ZNF517: variants seen among roughly 807,000 people sequenced by gnomAD.
The protein encoded by ZNF517 is zinc finger protein 517.
In ZNF517, 12 loss-of-function variants were observed where a neutral mutation model predicts 12.1. The ratio of observed to expected loss-of-function variants is 0.99; its 90% CI spans 0.63 to 1.61. The LOEUF is 1.61. ZNF517 is among the 40% of genes most tolerant of loss of function. The pLI is 0.00. For synonymous variants in ZNF517, 388 were observed against 310.2 expected, an observed-to-expected ratio of 1.25 and a Z score of -2.63; for missense variants, 781 against 693.2, an observed-to-expected ratio of 1.13 and a Z score of -1.42.
chr8:144,808,233 G>A lies in ZNF517; in HGVS notation c.1317G>A (p.Leu439=). Residue 439 remains leucine, a synonymous_variant, in exon 5 of 5, where the codon CTG becomes CTA. Coordinates refer to ENST00000359971, the MANE Select transcript of ZNF517 (RefSeq NM_213605.3). The part of the protein sequence containing the change: ...CGKAFRRSYT[L]NEHYRLHSGE... ...AGGCGTTCCGCAGGAGCTACACGCT[G>A]AACGAGCACTACCGGCTCCACAGCG... is the stretch of plus-strand genomic sequence containing the variant. The A allele has an allele frequency of 6.2e-7, 1 of 1,602,996 alleles. No homozygotes were observed. The highest frequency in any genetic ancestry group is 8.5e-7 in the Non-Finnish European group (1 of 1,174,108).
intron 1 of ZNF517, among the ~76,000 whole-genome samples, chr8:144,801,883 A>G (rs1177840442): frequency 6.6e-6 from 1 of 152,114 alleles, no homozygotes; most frequent in African/African-American, 2.4e-5. Flanking sequence ...ACTTTTAAAA[A>G]TTAGCTGGGT....
At chr8:144,803,275 A>T in intron 2 of ZNF517, 1 of 470,852 alleles carries the variant, frequency 2.1e-6, no homozygotes, top group South Asian at 3.0e-5. Flanking sequence ...CCCTCTCCTG[A>T]TGCTGACTCA....
chr8:144,802,723 C>T, intron 1 of ZNF517, 147 bp from the exon 2 acceptor site: 1 of 1,349,962 alleles, frequency 7.4e-7, no homozygotes, highest in Non-Finnish European at 9.6e-7. Flanking sequence ...CTTGGATACA[C>T]CTCCTTGGGA....
At chr8:144,801,011 G>A (rs975853493) in intron 1 of ZNF517, among the ~76,000 whole-genome samples, 40 of 152,040 alleles carry the variant, frequency 2.6e-4, no homozygotes, top group African/African-American at 9.4e-4. Flanking sequence ...TGTATTTTTC[G>A]TAGAGAAGGG....
rs1364007327 is a variant in ZNF517 at position 144,809,032 on chromosome 8, G to A, written c.*637G>A. 1.3e-5 allele frequency: 2 copies of A among 151,832 alleles called. No homozygotes were observed. Among genetic ancestry groups the A allele is most frequent in the Admixed American group, 1.3e-4 (2 of 15,228 alleles). 9.4% of individuals were successfully genotyped at this position (151,832 alleles called of 1,614,324 possible). On this transcript the variant is annotated 3_prime_UTR_variant, in exon 5 of 5. Transcript: ENST00000359971. ...TCTGTGCCTGTACGCTGTAGTCCCAGCTACTCAGGAGGCTGAGGTGGGAGG... is the reference window on the plus strand; with the variant it reads ...TCTGTGCCTGTACGCTGTAGTCCCAACTACTCAGGAGGCTGAGGTGGGAGG...
downstream of ZNF517, among the ~76,000 whole-genome samples, chr8:144,811,449 G>A (rs1052820413): frequency 2.6e-4 from 35 of 136,678 alleles, no homozygotes; most frequent in African/African-American, 3.2e-4. Context: ...GCTGAGACAG[G>A]GTGGGAGAGA....
Position 144,803,807 on chromosome 8 carries a change from G to A in ZNF517, c.160+40G>A, listed in dbSNP as rs373450028. The A allele has an allele frequency of 1.7e-5, 28 of 1,602,220 alleles. No individual in the cohort carries two copies. The East Asian group carries it at 2.0e-4, about 12-fold the overall frequency. ...CTTTGGTCCTGGGGCCGGGAGGTGC[G>A]TCTGTGTTAGCTTCAAAGGAAGTTG... On this transcript the variant is annotated intron_variant, in intron 3 of 4. Coordinates refer to ENST00000359971, the MANE Select transcript of ZNF517 (RefSeq NM_213605.3).
chr8:144,799,196 G>T (rs533328691), intron 1 of ZNF517, among the ~76,000 whole-genome samples: 41 of 152,278 alleles, frequency 2.7e-4, no homozygotes, highest in African/African-American at 8.2e-4. Flanking sequence ...GGACGGTTGC[G>T]CAGAGATGAG....
chr8:144,812,443 G>A (rs1411112459), downstream of ZNF517, among the ~76,000 whole-genome samples: 1 of 150,742 alleles, frequency 6.6e-6, no homozygotes, highest in Non-Finnish European at 1.5e-5. Context: ...GAGAGACACG[G>A]ACAGTAAAGC....
chr8:144,810,522 T>C (rs1263925248), downstream of ZNF517: 8 of 333,770 alleles, frequency 2.4e-5, no homozygotes, highest in East Asian at 3.7e-4. Flanking sequence ...TGAAGGGTTG[T>C]CCCTGAGCAT....
At chr8:144,806,645 C>T (rs1827236731) in intron 4 of ZNF517, among the ~76,000 whole-genome samples, 1 of 151,598 alleles carries the variant, frequency 6.6e-6, no homozygotes, top group African/African-American at 2.4e-5. Flanking sequence ...CCACCGCACA[C>T]AGATAATTTT....
Position 144,808,810 on chromosome 8 carries a change from C to T in ZNF517, c.*415C>T, listed in dbSNP as rs1827432808. On this transcript the variant is annotated 3_prime_UTR_variant, in exon 5 of 5. Coordinates refer to ENST00000359971, the MANE Select transcript of ZNF517 (RefSeq NM_213605.3). ...GGCCTTAGCGCCAGGCTCCGTGTGG[C>T]GGTCAATTCCAGGTGCTGTAAAGCC... 1.2e-5 allele frequency: 2 copies of T among 160,358 alleles called. No individual in the cohort carries two copies. The highest frequency in any genetic ancestry group is 2.7e-5 in the Non-Finnish European group (2 of 73,914). The allele number at this position is 160,358 out of a possible 1,614,324, so 9.9% of individuals were successfully genotyped here. A position where few individuals can be genotyped will look rare whatever the true frequency, so the allele number is the denominator to read the frequency against.
downstream of ZNF517, among the ~76,000 whole-genome samples, chr8:144,812,442 G>A (rs892353311): frequency 1.5e-5 from 2 of 136,052 alleles, no homozygotes; most frequent in South Asian, 2.4e-4. Context: ...GGAGAGACAC[G>A]GACAGTAAAG....
rs1827382664 is a variant in ZNF517, at chr8:144,808,202, G to A, written c.1286G>A (p.Cys429Tyr). ...TKEKPFACTE[C>Y]GKAFRRSYTL... Reference sequence around the variant, plus strand: ...GAGAAGCCCTTCGCGTGCACCGAGTGCGGCAAGGCGTTCCGCAGGAGCTAC... The same window carrying A: ...GAGAAGCCCTTCGCGTGCACCGAGTACGGCAAGGCGTTCCGCAGGAGCTAC... The change falls in exon 5 of 5, where the codon TGC becomes TAC. Residue 429 changes from cysteine to tyrosine, a missense_variant. By Grantham distance (194) the Cys-to-Tyr change is radical. Transcript: ENST00000359971. 1.2e-6 allele frequency: 2 copies of A among 1,608,750 alleles called. No individual in the cohort carries two copies. The highest frequency in any genetic ancestry group is 2.7e-5 in the African/African-American group (2 of 74,826).
intron 2 of ZNF517, 80 bp downstream of exon 2, chr8:144,803,027 ACAGCTTGCCTCACAC>A: frequency 6.3e-7 from 1 of 1,578,774 alleles, no homozygotes; most frequent in Non-Finnish European, 8.6e-7. Context: ...TGAGAACCTT[ACAGCTTGCCTCACAC>A]CCACCCACAT....
intron 1 of ZNF517, among the ~76,000 whole-genome samples, 153 bp downstream of exon 1, chr8:144,799,090 C>T (rs1355444928): frequency 6.6e-6 from 1 of 152,166 alleles, no homozygotes; most frequent in Non-Finnish European, 1.5e-5. Context: ...CCTTGGGTTC[C>T]GAACCCTTAT....
chr8:144,813,230 C>A (rs1417641429), downstream of ZNF517, among the ~76,000 whole-genome samples: 1 of 149,428 alleles, frequency 6.7e-6, no homozygotes, highest in Non-Finnish European at 1.5e-5. Context: ...GCAGGAGAAT[C>A]GCTTGAACCT....
rs1827082479 is a variant in ZNF517 at position 144,803,703 on chromosome 8, C to CTCCGA, written c.96_97insTCCGA (p.Pro33SerfsTer12). The CTCCGA allele has an allele frequency of 6.2e-7, 1 of 1,614,048 alleles. No homozygotes were observed. The highest frequency in any genetic ancestry group is 1.7e-5 in the Admixed American group (1 of 60,008). Reference sequence around the variant, plus strand: ...CAAGGATAGAGTGGAGTTGCCTGGCCCCCGACCAGCAGGCACTCTACAGGG... The same window carrying CTCCGA: ...CAAGGATAGAGTGGAGTTGCCTGGCCTCCGACCCGACCAGCAGGCACTCTACAGGG... On this transcript the variant is annotated frameshift_variant, in exon 3 of 5. Transcript: ENST00000359971. LOFTEE classifies it high-confidence loss of function.
intron 1 of ZNF517, among the ~76,000 whole-genome samples, chr8:144,801,493 G>A (rs1288088146): frequency 1.3e-5 from 2 of 151,668 alleles, no homozygotes; most frequent in African/African-American, 4.8e-5. Context: ...CAACAAGAGC[G>A]AGTTGTCGGA....
Sources: gnomAD v4.1 joint callset for allele counts (sites outside exome capture counted in the v4.1 genomes callset) on GRCh38, gnomAD v4.1.1 for gene constraint, MANE v1.5 for transcripts, NCBI Gene and HGNC (gene_info 2026-07-23, HGNC 2026-07-21) for gene names.